Variants in XYLT1 observed in about 807,000 individuals in gnomAD.
XYLT1 encodes the protein beta-D-xylosyltransferase 1.
Under a neutral mutation model 91.3 loss-of-function variants are expected in XYLT1, and 36 were observed. The observed-to-expected ratio is 0.39, with a 90% CI of 0.30 to 0.52. The LOEUF is 0.52. Ranked by LOEUF, XYLT1 falls within the 20% of genes least tolerant of loss-of-function variation. The probability of loss-of-function intolerance (pLI) is 0.68; values close to 1 mark genes in which losing one functional copy is unlikely to be tolerated. For synonymous variants in XYLT1, 588 were observed against 532.0 expected (o/e 1.11, Z -1.45); for missense variants, 1,242 against 1,284.5 (o/e 0.97, Z 0.51).
chr16:17,215,122 G>A (rs1224078395), intron 3 of XYLT1, among the ~76,000 whole-genome samples: 6 of 152,164 alleles, frequency 3.9e-5, no homozygotes, highest in Non-Finnish European at 8.8e-5. Flanking sequence ...TTGGGAGGCC[G>A]AAGTGGGTGG....
intron 3 of XYLT1, among the ~76,000 whole-genome samples, chr16:17,211,105 G>C (rs74010740): frequency 6.2e-4 from 94 of 152,284 alleles, no homozygotes; most frequent in African/African-American, 2.0e-3. Context: ...AAATAAAGGC[G>C]AGTCTATTGC....
intron 5 of XYLT1, among the ~76,000 whole-genome samples, chr16:17,188,794 A>G (rs1022753574): frequency 6.6e-6 from 1 of 152,200 alleles, no homozygotes; most frequent in Non-Finnish European, 1.5e-5. Flanking sequence ...TTAGCCCTCA[A>G]AGCAACCCTA....
intron 2 of XYLT1, among the ~76,000 whole-genome samples, chr16:17,292,122 CTG>C (rs930374417): frequency 6.7e-6 from 1 of 150,048 alleles, no homozygotes; most frequent in Non-Finnish European, 1.5e-5. Flanking sequence ...ACATATATAT[CTG>C]TGTGTGTCTA....
At chr16:17,264,175 T>G (rs1481251654) in intron 2 of XYLT1, among the ~76,000 whole-genome samples, 1 of 152,210 alleles carries the variant, frequency 6.6e-6, no homozygotes, top group African/African-American at 2.4e-5. Flanking sequence ...GCTTCTTCAT[T>G]GTGCATGCAT....
intron 5 of XYLT1, among the ~76,000 whole-genome samples, chr16:17,195,680 G>C (rs1230774644): frequency 6.6e-6 from 1 of 152,038 alleles, no homozygotes; most frequent in African/African-American, 2.4e-5. Context: ...TCCTGACCTT[G>C]TGATCCACCT....
intron 1 of XYLT1, among the ~76,000 whole-genome samples, chr16:17,456,315 A>AGGCAAACAG (rs1415522164): frequency 6.7e-6 from 1 of 149,068 alleles, no homozygotes; most frequent in Non-Finnish European, 1.5e-5. Context: ...TCTTTGCAGC[A>AGGCAAACAG]GGCAAACAGT....
At chr16:17,298,254 G>A in intron 2 of XYLT1, among the ~76,000 whole-genome samples, 1 of 152,096 alleles carries the variant, frequency 6.6e-6, no homozygotes, top group East Asian at 1.9e-4. Context: ...TGGGGGCGAG[G>A]GAATGGGCTG....
intron 2 of XYLT1, among the ~76,000 whole-genome samples, chr16:17,278,885 C>T (rs575613650): frequency 6.6e-6 from 1 of 152,280 alleles, no homozygotes; most frequent in African/African-American, 2.4e-5. Context: ...CAGGGAAGAT[C>T]CTCCTGAGCT....
At chr16:17,165,434 C>G (rs1212301379) in intron 5 of XYLT1, among the ~76,000 whole-genome samples, 1 of 152,068 alleles carries the variant, frequency 6.6e-6, no homozygotes, top group African/African-American at 2.4e-5. Flanking sequence ...TGCCTGTAAT[C>G]TCAGCACTTT....
At chr16:17,165,013 A>G (rs2031643791) in intron 5 of XYLT1, among the ~76,000 whole-genome samples, 1 of 152,208 alleles carries the variant, frequency 6.6e-6, no homozygotes, top group African/African-American at 2.4e-5. Flanking sequence ...CACAGAGGCA[A>G]AAATCTCACC....
intron 2 of XYLT1, among the ~76,000 whole-genome samples, chr16:17,335,805 T>C (rs1043418330): frequency 6.6e-6 from 1 of 152,200 alleles, no homozygotes; most frequent in Admixed American, 6.5e-5. Context: ...AGCTCATCTA[T>C]ATTTTTACTT....
At chr16:17,173,207 G>A (rs1350548124) in intron 5 of XYLT1, among the ~76,000 whole-genome samples, 2 of 152,154 alleles carry the variant, frequency 1.3e-5, no homozygotes, top group Admixed American at 6.5e-5. Flanking sequence ...AAACAGGATC[G>A]TATTATAAAT....
chr16:17,116,913 G>A (rs192540610), intron 11 of XYLT1, among the ~76,000 whole-genome samples: 11 of 152,116 alleles, frequency 7.2e-5, no homozygotes, highest in Non-Finnish European at 8.8e-5. Context: ...ATGTTTTTGC[G>A]TGTGTGAGGG....
chr16:17,327,456 G>A (rs986957595), intron 2 of XYLT1, among the ~76,000 whole-genome samples: 6 of 147,802 alleles, frequency 4.1e-5, no homozygotes, highest in South Asian at 2.2e-4. Flanking sequence ...TCCGCCCCCC[G>A]GGTTCACGCC....
chr16:17,253,861 A>AGC (rs760598839), intron 3 of XYLT1, among the ~76,000 whole-genome samples: 3 of 145,022 alleles, frequency 2.1e-5, no homozygotes, highest in South Asian at 4.4e-4. Flanking sequence ...AGAGAGAGAG[A>AGC]GCGAGCCTGC....
intron 6 of XYLT1, among the ~76,000 whole-genome samples, chr16:17,157,549 A>G (rs2031436876): frequency 1.3e-5 from 2 of 152,204 alleles, no homozygotes; most frequent in African/African-American, 2.4e-5. Flanking sequence ...GGATTTTCAT[A>G]GGAAATACTG....
chr16:17,216,312 T>C (rs1171991717), intron 3 of XYLT1, among the ~76,000 whole-genome samples: 1 of 152,038 alleles, frequency 6.6e-6, no homozygotes, highest in Non-Finnish European at 1.5e-5. Context: ...AGAGGGAGGG[T>C]TTTGACAACA....
At chr16:17,432,869 T>G (rs563312087) in intron 1 of XYLT1, among the ~76,000 whole-genome samples, 18 of 152,148 alleles carry the variant, frequency 1.2e-4, no homozygotes, top group African/African-American at 4.3e-4. Flanking sequence ...ATCAATTGTC[T>G]TGTCAAAAGA....
At chr16:17,145,035 A>G (rs3907121) in intron 6 of XYLT1, among the ~76,000 whole-genome samples, 48,463 of 152,190 alleles carry the variant, frequency 0.32, 9,571 homozygotes, top group Non-Finnish European at 0.45. Flanking sequence ...CTCCCCATTC[A>G]TGCTAGCCCC....
Sources: allele counts gnomAD v4.1 joint callset (sites outside exome capture counted in the v4.1 genomes callset), GRCh38; gene constraint gnomAD v4.1.1; transcripts MANE v1.5; gene names NCBI Gene and HGNC (gene_info 2026-07-23, HGNC 2026-07-21).